The following NEK5 variants were observed in gnomAD, a reference collection of about 807,000 sequenced individuals.
NEK5 encodes NIMA related kinase 5.
Under a neutral mutation model 109.2 loss-of-function variants are expected in NEK5, and 88 were observed. The observed-to-expected ratio is 0.81, with a 90% confidence interval of 0.68 to 0.96. NEK5 has a LOEUF of 0.96. Ranked by LOEUF, NEK5 falls within the 40% of genes least tolerant of loss-of-function variation. NEK5 has a pLI of 0.00. For synonymous variants in NEK5, 283 were observed against 299.9 expected, an observed-to-expected ratio of 0.94 and a Z score of 0.58; for missense variants, 834 against 920.7, an observed-to-expected ratio of 0.91 and a Z score of 1.22.
At chr13:52,126,136 C>T (rs542649802) in intron 3 of NEK5, among the ~76,000 whole-genome samples, 3 of 152,212 alleles carry the variant, frequency 2.0e-5, no homozygotes, top group South Asian at 2.1e-4. Flanking sequence ...TTTATAAATC[C>T]TCTAGAAGCT....
chr13:52,122,533 C>T (rs1009599297), intron 3 of NEK5, among the ~76,000 whole-genome samples: 6 of 152,144 alleles, frequency 3.9e-5, no homozygotes, highest in Non-Finnish European at 8.8e-5. Context: ...CTTTGGGAGG[C>T]CAAGGCAGGC....
chr13:52,055,174 C>A (rs901725666), intron 22 of NEK5, among the ~76,000 whole-genome samples: 2 of 151,966 alleles, frequency 1.3e-5, no homozygotes, highest in African/African-American at 4.8e-5. Context: ...GGAGCCGATG[C>A]GATCAACTGG....
chr13:52,128,258 G>C (rs1201919281), intron 1 of NEK5, among the ~76,000 whole-genome samples: 1 of 151,900 alleles, frequency 6.6e-6, no homozygotes, highest in African/African-American at 2.4e-5. Flanking sequence ...CGGTTTGGAG[G>C]TTTACCAAGA....
chr13:52,093,654 T>G (rs1566788124), intron 12 of NEK5, among the ~76,000 whole-genome samples: 1 of 152,208 alleles, frequency 6.6e-6, no homozygotes, highest in African/African-American at 2.4e-5. Context: ...TTTGCTGTTT[T>G]TCTTCTATAC....
At chr13:52,067,488 G>T (rs1298318058) in intron 20 of NEK5, among the ~76,000 whole-genome samples, 1 of 152,124 alleles carries the variant, frequency 6.6e-6, no homozygotes, top group Non-Finnish European at 1.5e-5. Context: ...TTTGTTCTTT[G>T]TGCAATCAGT....
At chr13:52,095,523 T>G (rs1485093930) in intron 12 of NEK5, among the ~76,000 whole-genome samples, 1 of 152,266 alleles carries the variant, frequency 6.6e-6, no homozygotes, top group Non-Finnish European at 1.5e-5. Flanking sequence ...CTTTTAGATG[T>G]GTTTTCCCTT....
At chr13:52,119,174 C>T (rs1445786312) in intron 4 of NEK5, 145 bp downstream of exon 4, 5 of 426,194 alleles carry the variant, frequency 1.2e-5, no homozygotes, top group East Asian at 3.3e-5. Context: ...ATAACGAGGA[C>T]GTCTCAAGCT....
intron 11 of NEK5, among the ~76,000 whole-genome samples, chr13:52,101,277 G>A (rs895073229): frequency 2.6e-5 from 4 of 152,116 alleles, no homozygotes; most frequent in Non-Finnish European, 5.9e-5. Context: ...ATGGGCGGCT[G>A]TAGTCCCAGC....
chr13:52,063,840 C>T (rs1378833812), intron 21 of NEK5, among the ~76,000 whole-genome samples: 1 of 152,046 alleles, frequency 6.6e-6, no homozygotes, highest in East Asian at 2.0e-4. Flanking sequence ...CGCCCGGCAG[C>T]CACCCTGTCT....
At chr13:52,052,442 A>G (rs1400514039) in intron 22 of NEK5, among the ~76,000 whole-genome samples, 1 of 152,136 alleles carries the variant, frequency 6.6e-6, no homozygotes, top group African/African-American at 2.4e-5. Context: ...TAAGACTCCT[A>G]TTGGGGATGG....
At chr13:52,037,629 G>A (rs1047873599) in intron 23 of NEK5, among the ~76,000 whole-genome samples, 1 of 152,172 alleles carries the variant, frequency 6.6e-6, no homozygotes. Flanking sequence ...GGCTCAGAGA[G>A]GTTAAAAAAT....
chr13:52,099,712 A>C (rs1288325616), intron 12 of NEK5, 31 bp downstream of exon 12: 1 of 1,604,954 alleles, frequency 6.2e-7, no homozygotes, highest in South Asian at 1.1e-5. Context: ...CCATAGCTAA[A>C]AAACACAAAG....
At chr13:52,090,352 C>T (rs1955252986) in intron 13 of NEK5, among the ~76,000 whole-genome samples, 1 of 152,160 alleles carries the variant, frequency 6.6e-6, no homozygotes, top group African/African-American at 2.4e-5. Flanking sequence ...TCAGAAATAA[C>T]TCCTTTAGGA....
intron 19 of NEK5, 21 bp from the exon 20 acceptor site, chr13:52,072,091 T>A: frequency 6.3e-7 from 1 of 1,584,308 alleles, no homozygotes; most frequent in South Asian, 1.2e-5. Flanking sequence ...TCCACAGTGT[T>A]TCATGATAAA....
intron 22 of NEK5, among the ~76,000 whole-genome samples, chr13:52,052,332 A>C (rs1337768496): frequency 6.6e-6 from 1 of 152,152 alleles, no homozygotes; most frequent in East Asian, 1.9e-4. Flanking sequence ...GGGTACACAC[A>C]GTGAATGGTT....
At chr13:52,087,928 CTTTTTTTT>C (rs758944022) in intron 14 of NEK5, among the ~76,000 whole-genome samples, 2 of 110,302 alleles carry the variant, frequency 1.8e-5, no homozygotes, top group Non-Finnish European at 3.8e-5. Context: ...CCCAGCCTTT[CTTTTTTTT>C]TTTTTTTTTA....
Position 52,090,174 on chromosome 13 carries a change from G to A in NEK5, c.1209-861C>T, listed in dbSNP as rs767738296. On this transcript the variant is annotated intron_variant, in intron 13 of 23. Transcript: ENST00000684899. ...TCCAGCACAATTTTAGTCAATTCCA[G>A]TCAAACAATTTTCAAGTTTATACTC... is the stretch of plus-strand genomic sequence containing the variant. Among the ~76,000 whole-genome samples the A allele has an allele frequency of 2.0e-5, 3 of 152,056 alleles. No individual in the cohort carries two copies. In the East Asian group the frequency reaches 5.8e-4, roughly 29 times the overall value.
rs1954491913 is a variant in NEK5 at position 52,050,171 on chromosome 13, C to A, written c.2161G>T (p.Val721Leu). Reference protein sequence around the residue: ...WLPKEEDEGKVEMVSGIEVDE... With the variant: ...WLPKEEDEGKLEMVSGIEVDE... ...ACTTCAATGCCAGAGACCATTTCTA[C>A]CTTCCCTTCATCTTCTTCTTTGGGT... Residue 721 changes from valine (V) to leucine (L), a missense_variant, in exon 23 of 24, where the codon GTA becomes TTA. By Grantham distance (32) the Val-to-Leu change is conservative (BLOSUM62 1). Around this residue, in one of 2 missense-constraint regions of NEK5, gnomAD observed 57 missense variants for 96.0 expected, o/e 0.59. Transcript: ENST00000684899. The A allele has an allele frequency of 1.0e-6, 1 of 985,800 alleles. No individual in the cohort carries two copies. Among genetic ancestry groups the A allele is most frequent in the African/African-American group, 1.7e-5 (1 of 57,366 alleles). The allele number at this position is 985,800 out of a possible 1,614,324, so 61.1% of individuals were successfully genotyped here.
chr13:52,063,546 G>T (rs1223094926), intron 21 of NEK5, among the ~76,000 whole-genome samples: 1 of 150,778 alleles, frequency 6.6e-6, no homozygotes, highest in Admixed American at 6.6e-5. Flanking sequence ...CGTCTGGGAC[G>T]TGAGGAGCCC....
Sources: allele counts gnomAD v4.1 joint callset (sites outside exome capture counted in the v4.1 genomes callset), GRCh38; gene constraint gnomAD v4.1.1; regional missense constraint gnomAD v4.1.1; transcripts MANE v1.5; gene names NCBI Gene and HGNC (gene_info 2026-07-23, HGNC 2026-07-21).